Variants in RAB3IL1 observed in about 807,000 individuals in gnomAD.
RAB3IL1 encodes guanine nucleotide exchange factor for Rab-3A.
RAB3IL1 carries 37 observed loss-of-function variants against 49.2 expected under a neutral mutation model. The observed-to-expected ratio is 0.75, with a 90% CI of 0.58 to 0.99. The LOEUF (loss-of-function observed/expected upper bound fraction) is 0.99. Among genes scored for constraint, RAB3IL1 ranks in the 50% least tolerant of loss-of-function variants. The pLI is 0.00. For synonymous variants in RAB3IL1, 193 were observed against 213.9 expected (o/e 0.90, Z 0.85); for missense variants, 484 against 513.0 (o/e 0.94, Z 0.55).
At chr11:61,907,372 G>A in intron 4 of RAB3IL1, 21 bp downstream of exon 4, 1 of 1,611,268 alleles carries the variant, frequency 6.2e-7, no homozygotes, top group Non-Finnish European at 8.5e-7. Flanking sequence ...GCTGGCCTGG[G>A]CAGGCGGGGA....
At position 61,906,566 on chromosome 11, in the gene RAB3IL1, CG is replaced by C. The variant is rs1009183595; in HGVS notation, c.556del (p.Arg186GlufsTer104). The C allele has an allele frequency of 6.3e-7, 1 of 1,594,890 alleles. No individual in the cohort carries two copies. The highest frequency in any genetic ancestry group is 8.5e-7 in the Non-Finnish European group (1 of 1,171,108). ...QLLSPTKAGP[R>X]KGHSRHKSTS... ...GCTCTTGTGGCGAGAGTGGCCCTTT[CG>C]GGGCCCGGCCTTGGTGGGGCTCAGC... On this transcript the variant is annotated frameshift_variant, in exon 5 of 10. Transcript: ENST00000394836. LOFTEE classifies it high-confidence loss of function. The surrounding 1 kb of genome is among the most constrained non-coding windows in gnomAD (Gnocchi z 4.6).
At position 61,898,378 on chromosome 11, in the gene RAB3IL1, G is replaced by T. The variant is rs1938719685; in HGVS notation, c.1067-18C>A. ...GGGCTCTGCTGCAGGCAGAGAGAGG[G>T]TGAACAGGTCGGGGACAGCTCAGGG... On this transcript the variant is annotated intron_variant, in intron 9 of 9. Transcript: ENST00000394836. The surrounding 1 kb of genome is among the most constrained non-coding windows in gnomAD (Gnocchi z 5.1). 3.1e-6 allele frequency: 5 copies of T among 1,611,740 alleles called. No individual in the cohort carries two copies. In the African/African-American group the frequency reaches 6.7e-5, roughly 21 times the overall value.
chr11:61,945,773 C>T, the RAB3IL1 span: 1 of 985,374 alleles, frequency 1.0e-6, no homozygotes, highest in Non-Finnish European at 1.2e-6. Context: ...AGTGCCTCAC[C>T]TGGCCGACTG....
At chr11:61,942,513 A>G in the RAB3IL1 span, among the ~76,000 whole-genome samples, 1 of 152,086 alleles carries the variant, frequency 6.6e-6, no homozygotes, top group Non-Finnish European at 1.5e-5. Context: ...AGCTCAAACA[A>G]TTCTCCCTCC....
chr11:61,925,266 T>TAAAGTGAGGCTTTTTA (rs1939977529), upstream of RAB3IL1, among the ~76,000 whole-genome samples: 12 of 152,304 alleles, frequency 7.9e-5, no homozygotes, highest in African/African-American at 2.6e-4. Context: ...TCTCCACCAG[T>TAAAGTGAGGCTTTTTA]CACTCTCTCA....
At chr11:61,915,373 T>C (rs918493410) in intron 1 of RAB3IL1, among the ~76,000 whole-genome samples, 2 of 152,164 alleles carry the variant, frequency 1.3e-5, no homozygotes, top group African/African-American at 4.8e-5. Flanking sequence ...ACCATCCATC[T>C]ACTGGTGGCT....
At chr11:61,902,646 G>T in intron 7 of RAB3IL1, 105 bp from the exon 8 acceptor site, 1 of 1,041,418 alleles carries the variant, frequency 9.6e-7, no homozygotes, top group Non-Finnish European at 1.4e-6. Context: ...CATGGGGAGG[G>T]GCAGGCCTCC....
At chr11:61,905,255 G>A (rs192000870) in intron 5 of RAB3IL1, among the ~76,000 whole-genome samples, 89 of 152,322 alleles carry the variant, frequency 5.8e-4, no homozygotes, top group Non-Finnish European at 1.2e-3. Context: ...ACACAAGCAC[G>A]TGCACACAGG....
chr11:61,933,508 A>C, the RAB3IL1 span, among the ~76,000 whole-genome samples: 1 of 152,166 alleles, frequency 6.6e-6, no homozygotes, highest in African/African-American at 2.4e-5. Flanking sequence ...TGAGAAAATA[A>C]GTTTCTGTTG....
At chr11:61,934,333 C>T in the RAB3IL1 span, among the ~76,000 whole-genome samples, 3 of 129,072 alleles carry the variant, frequency 2.3e-5, no homozygotes, top group East Asian at 2.2e-4. Context: ...CACACACACA[C>T]ACACACACAC....
the RAB3IL1 span, among the ~76,000 whole-genome samples, chr11:61,944,718 C>T: frequency 3.9e-5 from 6 of 152,188 alleles, no homozygotes; most frequent in African/African-American, 9.7e-5. Context: ...GTTTTGGACA[C>T]GGAGTTTCGC....
Position 61,904,783 on chromosome 11 carries a change from C to G in RAB3IL1, c.757G>C (p.Gly253Arg), listed in dbSNP as rs754151576. 3 of 1,609,004 alleles carry G rather than the reference C, an allele frequency of 1.9e-6. No homozygotes were observed. Among genetic ancestry groups the G allele is most frequent in the Non-Finnish European group, 2.5e-6 (3 of 1,178,314 alleles). The change falls in exon 6 of 10, where the codon GGC (glycine) becomes CGC (arginine). Residue 253 changes from glycine to arginine, a missense_variant. By Grantham distance (125) the Gly-to-Arg change is moderately radical (BLOSUM62 -2). Transcript: ENST00000394836. ...TGCATTGTGAAGTCCAGGCAGGGGC[C>G]CACGTCCTCTCGGTACACCCTTTCC... ...FLERVYREDV[G>R]PCLDFTMQEL...
chr11:61,909,899 G>A (rs1939383567), intron 1 of RAB3IL1, among the ~76,000 whole-genome samples: 1 of 152,208 alleles, frequency 6.6e-6, no homozygotes, highest in South Asian at 2.1e-4. Flanking sequence ...CTGAGGTCAA[G>A]AGTTCGAGAC....
intron 1 of RAB3IL1, among the ~76,000 whole-genome samples, chr11:61,916,397 C>T (rs1939689066): frequency 6.6e-6 from 1 of 152,070 alleles, no homozygotes; most frequent in Non-Finnish European, 1.5e-5. Flanking sequence ...AACAGGAGCC[C>T]ACTCTCTCCA....
chr11:61,932,208 A>G, the RAB3IL1 span, among the ~76,000 whole-genome samples: 1 of 151,842 alleles, frequency 6.6e-6, no homozygotes, highest in African/African-American at 2.4e-5. Flanking sequence ...CCGAGATCTC[A>G]CCACTGCACT....
chr11:61,904,605 C>A lies in RAB3IL1; in HGVS notation c.840G>T (p.Pro280=), dbSNP rs757395342. The change falls in exon 7 of 10, where the codon CCG becomes CCT. Residue 280 remains proline, a synonymous_variant. Coordinates refer to ENST00000394836, the MANE Select transcript of RAB3IL1 (RefSeq NM_013401.4). ...CTGTGGGCAGCGTCTGCGAAGCCAC[C>A]GGCTCAATGGTGAGCGTGTTGTCCT... ...AVEDNTLTIE[P]VASQTLPTVK... The A allele has an allele frequency of 1.9e-6, 3 of 1,613,318 alleles. No homozygotes were observed. Among genetic ancestry groups the A allele is most frequent in the Non-Finnish European group, 1.7e-6 (2 of 1,179,788 alleles).
rs367656405 is a variant in RAB3IL1 at position 61,907,540 on chromosome 11, T to G, written c.360+25A>C. Reference sequence around the variant, plus strand: ...ACGCCCAGATGACCCATTCCCCAAGTTGTTCCCGCGCCCAGCCGGTGTACC... The same window carrying G: ...ACGCCCAGATGACCCATTCCCCAAGGTGTTCCCGCGCCCAGCCGGTGTACC... On this transcript the variant is annotated intron_variant, in intron 3 of 9. Coordinates refer to ENST00000394836, the MANE Select transcript of RAB3IL1 (RefSeq NM_013401.4). The G allele has an allele frequency of 6.8e-6, 11 of 1,613,798 alleles. No homozygotes were observed. In the Admixed American group the frequency reaches 1.2e-4, roughly 17 times the overall value.
the RAB3IL1 span, among the ~76,000 whole-genome samples, chr11:61,926,104 C>A: frequency 1.8e-3 from 114 of 64,036 alleles, no homozygotes; most frequent in East Asian, 7.9e-3. Flanking sequence ...TCCTTCCTGC[C>A]AAAAAAAAAA....
At chr11:61,928,947 G>C in the RAB3IL1 span, among the ~76,000 whole-genome samples, 1 of 152,000 alleles carries the variant, frequency 6.6e-6, no homozygotes. Flanking sequence ...ATATAGAAAG[G>C]TTAACACATG....
Sources: gnomAD v4.1 joint callset for allele counts (sites outside exome capture counted in the v4.1 genomes callset) on GRCh38, gnomAD v4.1.1 for gene constraint, Gnocchi (gnomAD v3.1) non-coding constraint, MANE v1.5 for transcripts, NCBI Gene and HGNC (gene_info 2026-07-23, HGNC 2026-07-21) for gene names.